CAGE1: variants seen among roughly 807,000 people sequenced by gnomAD.
The protein encoded by CAGE1 is cancer-associated gene 1 protein.
A neutral mutation model predicts 94.9 loss-of-function variants in CAGE1; 66 were observed. The observed-to-expected ratio is 0.70, with a 90% CI of 0.57 to 0.85. The LOEUF is 0.85. CAGE1 is among the 40% of genes least tolerant of loss of function. CAGE1 has a pLI of 0.00. For synonymous variants in CAGE1, 319 were observed against 321.0 expected (o/e 0.99, Z 0.07); for missense variants, 865 against 950.4 (o/e 0.91, Z 1.18).
At position 7,355,115 on chromosome 6, in the gene CAGE1, G is replaced by GAA; in HGVS notation, c.2299-6_2299-5dup. ...TGATTTCTTCATATGATGTAACCTT[G>GAA]AAAAAAATAAGCTAAACCAATTATT... On this transcript the variant is annotated splice_polypyrimidine_tract_variant and splice_region_variant and intron_variant, in intron 10 of 13. Coordinates refer to ENST00000502583, the MANE Select transcript of CAGE1 (RefSeq NM_001170692.2). 6.3e-7 allele frequency: 1 copy of GAA among 1,584,450 alleles called. No individual in the cohort carries two copies. Among genetic ancestry groups the GAA allele is most frequent in the Non-Finnish European group, 8.6e-7 (1 of 1,163,826 alleles).
At chr6:7,328,518 CT>C (rs146009070) in intron 13 of CAGE1, among the ~76,000 whole-genome samples, 27,248 of 151,866 alleles carry the variant, frequency 0.18, 2,636 homozygotes, top group African/African-American at 0.23. Context: ...GTAGGAGAAG[CT>C]GCATGAGCAA....
At chr6:7,379,811 G>T (rs1278571032) in intron 3 of CAGE1, among the ~76,000 whole-genome samples, 1 of 151,988 alleles carries the variant, frequency 6.6e-6, no homozygotes, top group East Asian at 1.9e-4. Flanking sequence ...TCCTCATTTT[G>T]TGACACCCTT....
At chr6:7,327,822 C>T (rs1007367090) in intron 13 of CAGE1, among the ~76,000 whole-genome samples, 1 of 151,832 alleles carries the variant, frequency 6.6e-6, no homozygotes, top group East Asian at 1.9e-4. Context: ...CCCAGCTACT[C>T]GGGAGGCTGA....
At chr6:7,341,630 C>T in intron 11 of CAGE1, 1 of 756,446 alleles carries the variant, frequency 1.3e-6, no homozygotes, top group Non-Finnish European at 2.4e-6. Context: ...TGGGTGTTTG[C>T]AACAGTGATC....
chr6:7,383,535 G>A (rs1030641081), intron 3 of CAGE1, among the ~76,000 whole-genome samples: 2 of 152,110 alleles, frequency 1.3e-5, no homozygotes, highest in Non-Finnish European at 2.9e-5. Context: ...TTTGGACTTT[G>A]TCTTTTATTT....
intron 3 of CAGE1, among the ~76,000 whole-genome samples, chr6:7,383,984 T>G (rs1761026962): frequency 6.6e-6 from 1 of 152,214 alleles, no homozygotes; most frequent in Admixed American, 6.5e-5. Context: ...ATATCTAGCT[T>G]TCTTCTAAAC....
At chr6:7,346,841 G>A (rs898616065) in intron 11 of CAGE1, among the ~76,000 whole-genome samples, 1 of 143,624 alleles carries the variant, frequency 7.0e-6, no homozygotes, top group Admixed American at 7.0e-5. Context: ...CTGGGCAACA[G>A]AGCAAGACTC....
intron 4 of CAGE1, among the ~76,000 whole-genome samples, chr6:7,378,406 C>A (rs1162158377): frequency 6.6e-6 from 1 of 152,016 alleles, no homozygotes; most frequent in Non-Finnish European, 1.5e-5. Context: ...AGCAAAGTCC[C>A]TCATGCTAAC....
intron 1 of CAGE1, among the ~76,000 whole-genome samples, chr6:7,387,785 C>T (rs1372072582): frequency 6.7e-6 from 1 of 149,898 alleles, no homozygotes. Context: ...TTTGGGAGGC[C>T]GACGCGGGCG....
intron 11 of CAGE1, among the ~76,000 whole-genome samples, chr6:7,345,851 G>A (rs1011887198): frequency 6.6e-6 from 1 of 152,128 alleles, no homozygotes; most frequent in Non-Finnish European, 1.5e-5. Flanking sequence ...TGTGAACCCG[G>A]GAGGAGAAGC....
Position 7,369,931 on chromosome 6 carries a change from A to T in CAGE1, c.1881T>A (p.Leu627=), listed in dbSNP as rs769038509. 2.4e-5 allele frequency: 39 copies of T among 1,610,732 alleles called. No individual in the cohort carries two copies. Among genetic ancestry groups the T allele is most frequent in the Non-Finnish European group, 3.1e-5 (37 of 1,179,040 alleles). ...MHSLLALMVG[L]LTCQDIINSD... ...TATGTTTTATTACCTGGCATGTGAGAAGTCCCACCATCAGAGCCAGAAGAC... is the reference window on the plus strand; with the variant it reads ...TATGTTTTATTACCTGGCATGTGAGTAGTCCCACCATCAGAGCCAGAAGAC... The change falls in exon 6 of 14, where the codon CTT becomes CTA. Residue 627 remains leucine, a synonymous_variant. Coordinates refer to ENST00000502583, the MANE Select transcript of CAGE1 (RefSeq NM_001170692.2).
intron 6 of CAGE1, 141 bp downstream of exon 6, chr6:7,369,778 G>T: frequency 1.4e-6 from 1 of 716,784 alleles, no homozygotes; most frequent in Non-Finnish European, 2.1e-6. Context: ...GGGTTGGATG[G>T]ATGGCTTAGG....
intron 11 of CAGE1, among the ~76,000 whole-genome samples, chr6:7,345,040 C>A (rs7753417): frequency 0.41 from 61,604 of 151,946 alleles, 12,647 homozygotes; most frequent in Admixed American, 0.47. Flanking sequence ...GGTGCCCAAG[C>A]CAGCAGCGGC....
At chr6:7,331,287 C>T (rs1355430522) in intron 12 of CAGE1, 17 of 921,920 alleles carry the variant, frequency 1.8e-5, no homozygotes, top group Non-Finnish European at 2.5e-5. Context: ...AGTGGTTTAT[C>T]ACATGGCAAA....
At chr6:7,358,027 G>GATATATATATAC (rs1760022521) in intron 9 of CAGE1, among the ~76,000 whole-genome samples, 2 of 48,076 alleles carry the variant, frequency 4.2e-5, no homozygotes, top group Non-Finnish European at 8.6e-5. Context: ...TAAGTTTTGA[G>GATATATATATAC]ATATATATAT....
chr6:7,364,746 GCATGAGC>G (rs1334561816), intron 9 of CAGE1, among the ~76,000 whole-genome samples: 5 of 152,000 alleles, frequency 3.3e-5, no homozygotes, highest in African/African-American at 1.2e-4. Flanking sequence ...TGGATTACAG[GCATGAGC>G]CACCGCGCCT....
At chr6:7,329,368 T>C (rs1758660906) in intron 13 of CAGE1, 1 of 340,940 alleles carries the variant, frequency 2.9e-6, no homozygotes, top group African/African-American at 2.1e-5. Flanking sequence ...ACGGTAAGAC[T>C]GGATAGGAGG....
chr6:7,358,027 G>GATATATATATATGTATATAT lies in CAGE1; in HGVS notation c.2194-1899_2194-1898insATATATACATATATATATAT, dbSNP rs1554138207. The stretch of plus-strand genomic sequence containing the variant: ...CAGACTGCGGTTAGGTAAGTTTTGA[G>GATATATATATATGTATATAT]ATATATATATATATATATATATATA... On this transcript the variant is annotated intron_variant, in intron 9 of 13. Transcript: ENST00000502583. Among the ~76,000 whole-genome samples, 19 of 48,078 alleles carry GATATATATATATGTATATAT rather than the reference G, an allele frequency of 4.0e-4. 1 individual carries two copies. The highest frequency in any genetic ancestry group is 9.0e-4 in the Admixed American group (3 of 3,318). The allele number at this position is 48,078 out of a possible 152,430, so 31.5% of individuals were successfully genotyped here.
chr6:7,345,251 T>TCCAGACACGCTACCTTAAGAGTTGCAGC (rs1759418697), intron 11 of CAGE1, among the ~76,000 whole-genome samples: 2 of 152,142 alleles, frequency 1.3e-5, no homozygotes, highest in Non-Finnish European at 2.9e-5. Flanking sequence ...AAGGAACAAC[T>TCCAGACACGCTACCTTAAGAGTTGCAGC]CCAGACACGC....
Sources: gnomAD v4.1 joint callset for allele counts (sites outside exome capture counted in the v4.1 genomes callset) on GRCh38, gnomAD v4.1.1 for gene constraint, MANE v1.5 for transcripts, NCBI Gene and HGNC (gene_info 2026-07-23, HGNC 2026-07-21) for gene names.